Variants in PRX observed in about 807,000 individuals in gnomAD.
PRX encodes periaxin.
Under a neutral mutation model 29.6 loss-of-function variants are expected in PRX, and 24 were observed. The observed-to-expected ratio is 0.81, with a 90% confidence interval of 0.59 to 1.14. The LOEUF (loss-of-function observed/expected upper bound fraction) is 1.14. Ranked by LOEUF, PRX falls within the 50% of genes most tolerant of loss-of-function variation. The probability of loss-of-function intolerance (pLI) is 0.00; values close to 1 mark genes in which losing one functional copy is unlikely to be tolerated. For synonymous variants in PRX, 772 were observed against 831.7 expected (o/e 0.93, Z 1.24); for missense variants, 1,838 against 1,926.4 (o/e 0.95, Z 0.86).
At chr19:40,412,158 T>C (rs2079561403) in intron 1 of PRX, among the ~76,000 whole-genome samples, 1 of 152,210 alleles carries the variant, frequency 6.6e-6, no homozygotes, top group South Asian at 2.1e-4. Flanking sequence ...CCCTGCCTGC[T>C]CAGAGCCTCA....
chr19:40,398,314 C>T lies in PRX; in HGVS notation c.381+306G>A, dbSNP rs2145733579. On this transcript the variant is annotated intron_variant, in intron 6 of 6. Transcript: ENST00000324001. The surrounding 1 kb of genome is among the most constrained non-coding windows in gnomAD (Gnocchi z 6.3). ...CCAGGGCCACTCAGCAGTAATTGGG[C>T]CAGCACTCAGGCTGGAATCTGGCTT... 1 of 1,425,152 alleles carries T rather than the reference C, an allele frequency of 7.0e-7. No individual in the cohort carries two copies. Among genetic ancestry groups the T allele is most frequent in the East Asian group, 2.5e-5 (1 of 39,690 alleles). 88.3% of individuals were successfully genotyped at this position (1,425,152 alleles called of 1,614,324 possible). A position where few individuals can be genotyped will look rare whatever the true frequency, so the allele number is the denominator to read the frequency against.
At chr19:40,408,798 GT>G (rs2079544479) in intron 1 of PRX, among the ~76,000 whole-genome samples, 1 of 142,916 alleles carries the variant, frequency 7.0e-6, no homozygotes, top group Admixed American at 6.8e-5. Context: ...ACCCGGCTAC[GT>G]TTTTGTTGTT....
rs747384252 is a variant in PRX at position 40,397,537 on chromosome 19, G to A, written c.815C>T (p.Thr272Ile). The A allele has an allele frequency of 2.9e-5, 44 of 1,542,810 alleles. No individual in the cohort carries two copies. Among genetic ancestry groups the A allele is most frequent in the Non-Finnish European group, 3.6e-5 (41 of 1,145,914 alleles). The part of the protein sequence containing the change: ...AAGGFALHLP[T>I]LGLGAPAPPA... ...CGGAGCCGGGGCTCCGAGCCCAAGG[G>A]TTGGCAGGTGGAGGGCAAAGCCACC... Residue 272 changes from threonine (T) to isoleucine (I), a missense_variant, in exon 7 of 7, where the codon ACC (threonine) becomes ATC (isoleucine). Thr to Ile is a moderately conservative substitution (Grantham distance 89). Around this residue, in one of 3 missense-constraint regions of PRX, gnomAD observed 666 missense variants for 665.0 expected, o/e 1.00. Coordinates refer to ENST00000324001, the MANE Select transcript of PRX (RefSeq NM_181882.3).
intron 5 of PRX, among the ~76,000 whole-genome samples, chr19:40,399,087 C>T (rs1180933564): frequency 6.6e-6 from 1 of 152,062 alleles, no homozygotes; most frequent in Non-Finnish European, 1.5e-5. Flanking sequence ...ACTGACTTTG[C>T]TTCTTTTACC....
In PRX at chr19:40,393,865, C is replaced by T. The variant is rs560061763; in HGVS notation, c.*101G>A. The T allele has an allele frequency of 1.3e-5, 20 of 1,574,270 alleles. No individual in the cohort carries two copies. In the African/African-American group the frequency reaches 2.6e-4, roughly 20 times the overall value. On this transcript the variant is annotated 3_prime_UTR_variant, in exon 7 of 7. Transcript: ENST00000324001. ...TCCCTGCCAGCCCTGGTCAGTCACC[C>T]ACCTCCCGGCCCTCTTAGGGTTAGT...
At chr19:40,405,892 T>C (rs7259883) in intron 4 of PRX, among the ~76,000 whole-genome samples, 88,620 of 150,836 alleles carry the variant, frequency 0.59, 28,138 homozygotes, top group African/African-American at 0.84. Context: ...CCGCCTCAGC[T>C]TCCCAGAGTG....
Position 40,397,127 on chromosome 19 carries a change from C to G in PRX, c.1225G>C (p.Glu409Gln). The change falls in exon 7 of 7, where the codon GAA becomes CAA. Residue 409 changes from glutamate to glutamine, a missense_variant. Physicochemically the swap from Glu to Gln is conservative, Grantham distance 29. Coordinates refer to ENST00000324001, the MANE Select transcript of PRX (RefSeq NM_181882.3). ...SLLEPRPAAP[E>Q]VVESKLKLPT... is the part of the protein sequence containing the mutation. ...AGCTTCAGCTTGCTCTCTACAACTT[C>G]AGGAGCAGCGGGCCGGGGCTCCAAG... 6.2e-7 allele frequency: 1 copy of G among 1,614,162 alleles called. No homozygotes were observed. Among genetic ancestry groups the G allele is most frequent in the Non-Finnish European group, 8.5e-7 (1 of 1,180,030 alleles).
At position 40,395,384 on chromosome 19, in the gene PRX, C is replaced by T. The variant is rs536876712; in HGVS notation, c.2968G>A (p.Asp990Asn). ...AGEAGLLPAL[D>N]LSIPQLSLDA... Reference sequence around the variant, plus strand: ...AGGCTGAGCTGTGGGATGGACAGATCGAGGGCAGGCAGCAGGCCTGCCTCC... The same window carrying T: ...AGGCTGAGCTGTGGGATGGACAGATTGAGGGCAGGCAGCAGGCCTGCCTCC... The change falls in exon 7 of 7, where the codon GAT (aspartate) becomes AAT (asparagine). Residue 990 changes from aspartate (D) to asparagine (N), a missense_variant. Asp to Asn is a conservative substitution (Grantham distance 23, BLOSUM62 1). Transcript: ENST00000324001. 33 of 1,613,800 alleles carry T rather than the reference C, an allele frequency of 2.0e-5. No homozygotes were observed. The East Asian group carries it at 3.3e-4, about 16-fold the overall frequency.
At chr19:40,399,155 T>C (rs1017396198) in intron 5 of PRX, among the ~76,000 whole-genome samples, 2 of 152,022 alleles carry the variant, frequency 1.3e-5, no homozygotes, top group African/African-American at 4.8e-5. Context: ...GTTCACCCCC[T>C]TTCTCCTGCG....
In PRX at chr19:40,406,899, G is replaced by A. The variant is rs187485950; in HGVS notation, c.27+1007C>T. ...AGCAATTCTTCTGCCTCAGCCTCCC[G>A]AGTAGCTGGGACTACAGGTGTGCAC... On this transcript the variant is annotated intron_variant, in intron 4 of 6. Transcript: ENST00000324001. Among the ~76,000 whole-genome samples the A allele has an allele frequency of 1.1e-3, 159 of 150,026 alleles. 1 individual carries two copies. In the East Asian group the frequency reaches 0.012, roughly 11 times the overall value.
chr19:40,397,579 G>A lies in PRX; in HGVS notation c.773C>T (p.Pro258Leu). Residue 258 changes from proline (P) to leucine (L), a missense_variant, in exon 7 of 7, where the codon CCC becomes CTC. This residue lies in a region of PRX where 666 missense variants were observed against 665.0 expected (regional missense o/e 1.00). Coordinates refer to ENST00000324001, the MANE Select transcript of PRX (RefSeq NM_181882.3). ...VPQVSAPKAAPSAEAAGGFAL... is the reference protein window; with the variant it reads ...VPQVSAPKAALSAEAAGGFAL... ...AAAGCCACCAGCTGCCTCTGCTGAGGGGGCAGCCTTGGGGGCTGAGACCTG... is the reference window on the plus strand; with the variant it reads ...AAAGCCACCAGCTGCCTCTGCTGAGAGGGCAGCCTTGGGGGCTGAGACCTG... 1 of 1,542,108 alleles carries A rather than the reference G, an allele frequency of 6.5e-7. No individual in the cohort carries two copies. Among genetic ancestry groups the A allele is most frequent in the Non-Finnish European group, 8.7e-7 (1 of 1,147,104 alleles).
chr19:40,399,201 T>C (rs2079471053), intron 5 of PRX, among the ~76,000 whole-genome samples: 1 of 152,178 alleles, frequency 6.6e-6, no homozygotes, highest in African/African-American at 2.4e-5. Flanking sequence ...TTCCTGGGGA[T>C]GAACTAACCC....
Position 40,396,876 on chromosome 19 carries a change from T to C in PRX, c.1476A>G (p.Pro492=), listed in dbSNP as rs767044807. The C allele has an allele frequency of 6.2e-7, 1 of 1,614,108 alleles. No individual in the cohort carries two copies. Among genetic ancestry groups the C allele is most frequent in the Non-Finnish European group, 8.5e-7 (1 of 1,179,996 alleles). Residue 492 remains proline, a synonymous_variant, in exon 7 of 7, where the codon CCA becomes CCG. Coordinates refer to ENST00000324001, the MANE Select transcript of PRX (RefSeq NM_181882.3). ...PEMAVPEVRL[P]EVELPKVSEM... ...CTGACACTTTGGGCAGCTCTACCTC[T>C]GGAAGCCGCACCTCCGGCACAGCCA...
rs371887816 is a variant in PRX, at chr19:40,396,046, G to T, written c.2306C>A (p.Pro769Gln). The T allele has an allele frequency of 6.2e-7, 1 of 1,614,080 alleles. No individual in the cohort carries two copies. The highest frequency in any genetic ancestry group is 2.2e-5 in the East Asian group (1 of 44,884). ...GGGCAGCTTCACCTCTGGTGCCTTCGGAAGATGCACGTCGGGAACCTTCGG... is the reference window on the plus strand; with the variant it reads ...GGGCAGCTTCACCTCTGGTGCCTTCTGAAGATGCACGTCGGGAACCTTCGG... ...QVPKVPDVHL[P>Q]KAPEVKLPRA... is the part of the protein sequence containing the mutation. Residue 769 changes from proline to glutamine, a missense_variant, in exon 7 of 7, where the codon CCG (proline) becomes CAG (glutamine). Pro to Gln is a moderately conservative substitution (Grantham distance 76). Transcript: ENST00000324001.
In PRX at chr19:40,403,809, G is replaced by A. The variant is rs988404691; in HGVS notation, c.81C>T (p.Thr27=). The change falls in exon 5 of 7, where the codon ACC becomes ACT. Residue 27 remains threonine (T), a synonymous_variant. Transcript: ENST00000324001. Reference sequence around the variant, plus strand: ...CCGCTACGTTGATGCCGCTGACCCCGGTCTGCGCCTCCGTCTCCACGATAA... The same window carrying A: ...CCGCTACGTTGATGCCGCTGACCCCAGTCTGCGCCTCCGTCTCCACGATAA... The part of the protein sequence containing the change: ...VEIIVETEAQ[T]GVSGINVAGG... 1.9e-5 allele frequency: 30 copies of A among 1,608,756 alleles called. No individual in the cohort carries two copies. Among genetic ancestry groups the A allele is most frequent in the Non-Finnish European group, 2.4e-5 (28 of 1,178,738 alleles).
chr19:40,403,115 A>T (rs1026592939), intron 5 of PRX, among the ~76,000 whole-genome samples: 6 of 152,226 alleles, frequency 3.9e-5, no homozygotes, highest in Admixed American at 3.9e-4. Context: ...GGTGGCAGTG[A>T]GCCGAGATCG....
At chr19:40,399,900 TTTC>T in intron 5 of PRX, among the ~76,000 whole-genome samples, 1 of 68,556 alleles carries the variant, frequency 1.5e-5, no homozygotes, top group African/African-American at 1.4e-4. Flanking sequence ...TCTTTCTTTC[TTTC>T]TTTTTCTTTC....
intron 5 of PRX, among the ~76,000 whole-genome samples, chr19:40,400,491 C>T (rs147194574): frequency 0.031 from 4,517 of 148,072 alleles, 242 homozygotes; most frequent in African/African-American, 0.11. Context: ...ACTAGGGAGG[C>T]CGAGGCAGGA....
chr19:40,405,659 G>A (rs1223757455), intron 4 of PRX, among the ~76,000 whole-genome samples: 1 of 119,128 alleles, frequency 8.4e-6, no homozygotes, highest in East Asian at 2.3e-4. Flanking sequence ...TTTTTTTTGA[G>A]GCGGAGTCTC....
Sources: allele counts gnomAD v4.1 joint callset (sites outside exome capture counted in the v4.1 genomes callset), GRCh38; gene constraint gnomAD v4.1.1; regional missense constraint gnomAD v4.1.1; non-coding constraint Gnocchi (gnomAD v3.1); transcripts MANE v1.5; gene names NCBI Gene and HGNC (gene_info 2026-07-23, HGNC 2026-07-21).